CFAP47: variants seen among roughly 807,000 people sequenced by gnomAD.
The protein encoded by CFAP47 is cilia- and flagella-associated protein 47.
CFAP47 carries 29 observed loss-of-function variants against 148.1 expected under a neutral mutation model. The ratio of observed to expected loss-of-function variants is 0.20; its 90% CI spans 0.15 to 0.27. The LOEUF (loss-of-function observed/expected upper bound fraction) is 0.27, where lower values mean the gene tolerates loss of function less well. Among genes scored for constraint, CFAP47 ranks in the 10% least tolerant of loss-of-function variants. The pLI is 1.00. For missense variants in CFAP47, 1,872 were observed against 1,697.5 expected, an observed-to-expected ratio of 1.10 and a Z score of -1.81; for synonymous variants, 664 against 577.3, an observed-to-expected ratio of 1.15 and a Z score of -2.15.
chrX:36,323,792 G>C (rs782253738), intron 57 of CFAP47, among the ~76,000 whole-genome samples: 2 of 111,368 alleles, frequency 1.8e-5, no homozygotes, highest in Non-Finnish European at 3.8e-5. Flanking sequence ...AGTAAAATTA[G>C]ATCTAGATGT....
chrX:36,323,339 C>CT (rs782093263), intron 57 of CFAP47, among the ~76,000 whole-genome samples: 21 of 102,999 alleles, frequency 2.0e-4, no homozygotes, highest in Admixed American at 4.2e-4. Flanking sequence ...TTTCCTAGGC[C>CT]TTTTTTTTTT....
In CFAP47 at chrX:35,997,302, C is replaced by T; in HGVS notation, c.3100-10C>T. 1 of 293,953 alleles carries T rather than the reference C, an allele frequency of 3.4e-6. No individual in the cohort carries two copies. The highest frequency in any genetic ancestry group is 6.0e-6 in the Non-Finnish European group (1 of 167,859). 24.2% of individuals were successfully genotyped at this position (293,953 alleles called of 1,213,427 possible). ...TGGTTTCTACAAAGTTTTTATTTCT[C>T]CTAAATAAGGTTTCTATTCGTCATG... is the stretch of plus-strand genomic sequence containing the variant. On this transcript the variant is annotated splice_polypyrimidine_tract_variant and intron_variant, in intron 18 of 63. Coordinates refer to ENST00000378653, the MANE Select transcript of CFAP47 (RefSeq NM_001304548.2).
chrX:36,170,604 T>A (rs1939558594), intron 39 of CFAP47, among the ~76,000 whole-genome samples: 1 of 110,499 alleles, frequency 9.0e-6, no homozygotes, highest in African/African-American at 3.3e-5. Flanking sequence ...ATTTCATCCA[T>A]GTCCCTACAA....
intron 37 of CFAP47, among the ~76,000 whole-genome samples, chrX:36,158,143 G>A (rs1246245429): frequency 1.8e-5 from 2 of 111,795 alleles, no homozygotes; most frequent in Non-Finnish European, 3.8e-5. Flanking sequence ...AAAAGTTCTG[G>A]CGCAATTAGG....
intron 15 of CFAP47, among the ~76,000 whole-genome samples, chrX:35,986,694 T>C (rs1936719986): frequency 9.0e-6 from 1 of 110,789 alleles, no homozygotes; most frequent in Non-Finnish European, 1.9e-5. Flanking sequence ...GGCATTCTGG[T>C]TTTTGAAATT....
At chrX:36,067,389 T>C (rs757071748) in intron 27 of CFAP47, among the ~76,000 whole-genome samples, 2 of 111,832 alleles carry the variant, frequency 1.8e-5, no homozygotes, top group East Asian at 2.8e-4. Flanking sequence ...GTACCTATAG[T>C]CCATACAGGT....
At chrX:35,971,236 C>G (rs910921146) in intron 11 of CFAP47, among the ~76,000 whole-genome samples, 2 of 111,709 alleles carry the variant, frequency 1.8e-5, no homozygotes, top group African/African-American at 6.5e-5. Flanking sequence ...GGAGTGAGAG[C>G]TGAGGAAAAA....
chrX:36,187,479 G>T (rs1026412846), intron 40 of CFAP47, among the ~76,000 whole-genome samples: 1 of 111,675 alleles, frequency 9.0e-6, no homozygotes, highest in African/African-American at 3.2e-5. Flanking sequence ...TCTACCCAGA[G>T]TTCCAATATC....
At chrX:36,366,261 A>G (rs782799622) in intron 61 of CFAP47, among the ~76,000 whole-genome samples, 2 of 111,599 alleles carry the variant, frequency 1.8e-5, no homozygotes, top group Non-Finnish European at 3.8e-5. Flanking sequence ...AATCATTTCT[A>G]CCCTAAACAA....
At position 36,071,985 on chromosome X, in the gene CFAP47, A is replaced by G. The variant is rs1601960585; in HGVS notation, c.4465+14A>G. The G allele has an allele frequency of 7.6e-6, 9 of 1,176,545 alleles. No individual in the cohort carries two copies. The highest frequency in any genetic ancestry group is 5.3e-5 in the African/African-American group (3 of 56,930). On this transcript the variant is annotated intron_variant, in intron 28 of 63. Transcript: ENST00000378653. ...ACTTATTTATTGGTATGTAGCAAAT[A>G]TATAGTGTACTTTCCAAAATTAGTC... is the stretch of plus-strand genomic sequence containing the variant.
intron 22 of CFAP47, among the ~76,000 whole-genome samples, chrX:36,028,837 AT>A (rs1937250679): frequency 9.1e-6 from 1 of 110,222 alleles, no homozygotes; most frequent in African/African-American, 3.3e-5. Context: ...CCTTTTATTT[AT>A]TTATTTATTT....
At chrX:36,244,878 A>G (rs1353290877) in intron 48 of CFAP47, among the ~76,000 whole-genome samples, 2 of 111,526 alleles carry the variant, frequency 1.8e-5, no homozygotes, top group African/African-American at 6.5e-5. Context: ...CATTAACCTG[A>G]TGCCAAAATC....
At position 36,306,061 on chromosome X, in the gene CFAP47, AT is replaced by A. The variant is rs199609294; in HGVS notation, c.8083-710del. 5.9e-3 allele frequency among the ~76,000 whole-genome samples: 664 copies of A among 112,456 alleles called. 8 individuals carry two copies. The highest frequency in any genetic ancestry group is 0.02 in the African/African-American group (612 of 31,085). On this transcript the variant is annotated intron_variant, in intron 54 of 63. Coordinates refer to ENST00000378653, the MANE Select transcript of CFAP47 (RefSeq NM_001304548.2). ...GCCTTTTCAAAGTTTTTCTGGCAAA[AT>A]ATATTAGTGTAAAATAATAGACTTC...
intron 57 of CFAP47, among the ~76,000 whole-genome samples, chrX:36,329,627 A>G (rs1425983123): frequency 1.8e-5 from 2 of 112,300 alleles, no homozygotes; most frequent in African/African-American, 3.2e-5. Flanking sequence ...GTCAGTTGAA[A>G]AATATCATTT....
intron 25 of CFAP47, 65 bp from the exon 26 acceptor site, chrX:36,046,789 T>C: frequency 1.4e-6 from 1 of 697,307 alleles, no homozygotes; most frequent in Non-Finnish European, 2.1e-6. Context: ...AAATGAAATA[T>C]ACATTTAAAG....
At chrX:35,923,310 G>A (rs148105366) in intron 1 of CFAP47, among the ~76,000 whole-genome samples, 1,959 of 111,643 alleles carry the variant, frequency 0.018, 20 homozygotes, top group Non-Finnish European at 0.028. Context: ...TCACAGGACT[G>A]TAGAAGTGTA....
Position 36,233,976 on chromosome X carries a change from G to A in CFAP47, c.7015-1958G>A, listed in dbSNP as rs185347807. 6.5e-3 allele frequency among the ~76,000 whole-genome samples: 723 copies of A among 111,166 alleles called. 2 individuals carry two copies. Among genetic ancestry groups the A allele is most frequent in the African/African-American group, 0.023 (695 of 30,532 alleles). The stretch of plus-strand genomic sequence containing the variant: ...TCTTCTGGCTTGTAGAGTTTCTACC[G>A]AGAGATCCACTGTTAGTCTGATGGG... On this transcript the variant is annotated intron_variant, in intron 46 of 63. Coordinates refer to ENST00000378653, the MANE Select transcript of CFAP47 (RefSeq NM_001304548.2).
At chrX:36,255,763 C>G in intron 49 of CFAP47, among the ~76,000 whole-genome samples, 1 of 111,592 alleles carries the variant, frequency 9.0e-6, no homozygotes, top group Non-Finnish European at 1.9e-5. Flanking sequence ...CAGTAAGCAA[C>G]TCTAAGCAAA....
chrX:36,310,141 G>C (rs1941381776), intron 55 of CFAP47, among the ~76,000 whole-genome samples: 1 of 110,869 alleles, frequency 9.0e-6, no homozygotes, highest in Non-Finnish European at 1.9e-5. Context: ...TGTTGCAGAA[G>C]TTTAAGAGAC....
Sources: allele counts gnomAD v4.1 joint callset (sites outside exome capture counted in the v4.1 genomes callset), GRCh38; gene constraint gnomAD v4.1.1; transcripts MANE v1.5; gene names NCBI Gene and HGNC (gene_info 2026-07-23, HGNC 2026-07-21).